The following FAM83H variants were observed in gnomAD, a reference collection of about 807,000 sequenced individuals.
FAM83H encodes the protein protein FAM83H.
In FAM83H, 24 loss-of-function variants were observed where a neutral mutation model predicts 30.2. That is an observed-to-expected ratio of 0.79 (90% confidence interval 0.57 to 1.12). The LOEUF (loss-of-function observed/expected upper bound fraction) is 1.12, where lower values mean the gene tolerates loss of function less well. Ranked by LOEUF, FAM83H falls within the 50% of genes most tolerant of loss-of-function variation. The probability of loss-of-function intolerance (pLI) is 0.00; values close to 1 mark genes in which losing one functional copy is unlikely to be tolerated. For synonymous variants in FAM83H, 1,013 were observed against 821.7 expected (o/e 1.23, Z -3.98); for missense variants, 2,038 against 1,773.9 (o/e 1.15, Z -2.67).
intron 4 of FAM83H, 76 bp from the exon 5 acceptor site, chr8:143,728,799 G>C: frequency 6.3e-7 from 1 of 1,597,680 alleles, no homozygotes; most frequent in Non-Finnish European, 8.5e-7. Context: ...CGGGTGGGGC[G>C]CGGAGGACGC....
In FAM83H at chr8:143,730,327, C is replaced by T. The variant is rs369881580; in HGVS notation, c.256G>A (p.Val86Met). ...REPPEGSLLD[V>M]DMDGSSGTYW... ...GTACCCGAGGAGCCATCCATGTCCA[C>T]GTCGAGAAGGCTGCCTTCAGGTGGC... is the stretch of plus-strand genomic sequence containing the variant. Residue 86 changes from valine to methionine, a missense_variant, in exon 2 of 5, where the codon GTG (valine) becomes ATG (methionine). Transcript: ENST00000388913. 53 of 1,613,690 alleles carry T rather than the reference C, an allele frequency of 3.3e-5. No homozygotes were observed. Among genetic ancestry groups the T allele is most frequent in the African/African-American group, 4.0e-5 (3 of 74,956 alleles).
Position 143,726,154 on chromosome 8 carries a change from C to A in FAM83H, c.3307G>T (p.Gly1103Cys). The change falls in exon 5 of 5, where the codon GGC (glycine) becomes TGC (cysteine). Residue 1103 changes from glycine (G) to cysteine (C), a missense_variant. Coordinates refer to ENST00000388913, the MANE Select transcript of FAM83H (RefSeq NM_198488.5). ...GCTGGCAGCGTGCGGCTCAGCCGGC[C>A]CTGGGTCCCCAAGCTGTCCGAGCGG... ...IFRSDSLGTQ[G>C]RLSRTLPASA... The A allele has an allele frequency of 6.2e-7, 1 of 1,611,806 alleles. No individual in the cohort carries two copies. The highest frequency in any genetic ancestry group is 8.5e-7 in the Non-Finnish European group (1 of 1,179,506).
rs782737002 is a variant in FAM83H at position 143,729,182 on chromosome 8, G to C, written c.589C>G (p.Arg197Gly). ...ACATCCACGTGCTGCAGGTTGACACGGCACTTGTCGGCCATGTCCAGGAAG... is the reference window on the plus strand; with the variant it reads ...ACATCCACGTGCTGCAGGTTGACACCGCACTTGTCGGCCATGTCCAGGAAG... ...QHFLDMADKC[R>G]VNLQHVDFLR... Residue 197 changes from arginine (R) to glycine (G), a missense_variant, in exon 3 of 5, where the codon CGT becomes GGT. Physicochemically the swap from Arg to Gly is moderately radical, Grantham distance 125. Coordinates refer to ENST00000388913, the MANE Select transcript of FAM83H (RefSeq NM_198488.5). The C allele has an allele frequency of 3.1e-6, 5 of 1,613,676 alleles. No homozygotes were observed. The highest frequency in any genetic ancestry group is 1.1e-5 in the South Asian group (1 of 91,076).
At chr8:143,731,672 G>A in intron 1 of FAM83H, 1 of 985,468 alleles carries the variant, frequency 1.0e-6, no homozygotes, top group Non-Finnish European at 1.2e-6. Context: ...GGGCCCTGCA[G>A]GGCCTGCACT....
chr8:143,733,474 G>A lies in FAM83H; in HGVS notation c.-16+217C>T, dbSNP rs1818604522. On this transcript the variant is annotated intron_variant, in intron 1 of 4. Coordinates refer to ENST00000388913, the MANE Select transcript of FAM83H (RefSeq NM_198488.5). This position sits in a 1 kb window ranked among gnomAD's most constrained non-coding sequence, Gnocchi z 5.6. The stretch of plus-strand genomic sequence containing the variant: ...TTTCGGGCCGGCGTCGTGCGGGGGC[G>A]CTCGCGTCCATATCCGCACAGCGGC... Among the ~76,000 whole-genome samples, 1 of 152,048 alleles carries A rather than the reference G, an allele frequency of 6.6e-6. No individual in the cohort carries two copies. Among genetic ancestry groups the A allele is most frequent in the Non-Finnish European group, 1.5e-5 (1 of 67,972 alleles).
chr8:143,725,164 G>T lies in FAM83H; in HGVS notation c.*757C>A, dbSNP rs1466730432. The T allele has an allele frequency of 4.2e-4, 36 of 85,182 alleles. 5 individuals are homozygous for T. The East Asian group carries it at 0.026, about 61-fold the overall frequency. The allele number at this position is 85,182 out of a possible 1,614,324, so 5.3% of individuals were successfully genotyped here. On this transcript the variant is annotated 3_prime_UTR_variant, in exon 5 of 5. Transcript: ENST00000388913. Reference sequence around the variant, plus strand: ...GCGGGGGAGGGGGGAGACGGGGGGGGGGGGGGGGGAGGGAAGGAGGAGACC... The same window carrying T: ...GCGGGGGAGGGGGGAGACGGGGGGGTGGGGGGGGGAGGGAAGGAGGAGACC...
In FAM83H at chr8:143,727,958, T is replaced by C. The variant is rs1818369267; in HGVS notation, c.1503A>G (p.Gly501=). 5.8e-6 allele frequency: 9 copies of C among 1,559,712 alleles called. No homozygotes were observed. The highest frequency in any genetic ancestry group is 7.8e-6 in the Non-Finnish European group (9 of 1,161,002). ...AGTCCAGCCGCTGGTGCCCGTCGGGTCCGAGCTCCGGGAAGCGGGGCCCGG... is the reference window on the plus strand; with the variant it reads ...AGTCCAGCCGCTGGTGCCCGTCGGGCCCGAGCTCCGGGAAGCGGGGCCCGG... ...LGAGPRFPEL[G]PDGHQRLDYV... The change falls in exon 5 of 5, where the codon GGA becomes GGG. Residue 501 remains glycine, a synonymous_variant. Transcript: ENST00000388913.
Position 143,726,733 on chromosome 8 carries a change from C to A in FAM83H, c.2728G>T (p.Glu910Ter). ...QKGSPTSAYP[E>*]RRGSPVPPVP... ...GGGGGCACCGGACTACCCCTGCGCTCGGGGTAGGCTGAGGTGGGGCTCCCC... is the reference window on the plus strand; with the variant it reads ...GGGGGCACCGGACTACCCCTGCGCTAGGGGTAGGCTGAGGTGGGGCTCCCC... The change falls in exon 5 of 5, where the codon GAG (glutamate) becomes TAG (stop). Residue 910 changes from glutamate to a stop codon, truncating the protein, a stop_gained. Transcript: ENST00000388913. LOFTEE classifies it low-confidence loss of function (END_TRUNC). The A allele has an allele frequency of 6.2e-7, 1 of 1,611,520 alleles. No individual in the cohort carries two copies. Among genetic ancestry groups the A allele is most frequent in the Non-Finnish European group, 8.5e-7 (1 of 1,179,642 alleles).
At chr8:143,731,667 CTGCAGGGCCT>C in intron 1 of FAM83H, 1 of 985,494 alleles carries the variant, frequency 1.0e-6, no homozygotes, top group Non-Finnish European at 1.2e-6. Context: ...CCACAGGGCC[CTGCAGGGCCT>C]GCACTCCACA....
chr8:143,729,204 G>A lies in FAM83H; in HGVS notation c.567C>T (p.Phe189=). The A allele has an allele frequency of 6.2e-7, 1 of 1,613,658 alleles. No homozygotes were observed. Among genetic ancestry groups the A allele is most frequent in the Non-Finnish European group, 8.5e-7 (1 of 1,180,012 alleles). ...CACGGCACTTGTCGGCCATGTCCAG[G>A]AAGTGCTGCGCGTTCATCTCATCCA... ...ILLDEMNAQH[F]LDMADKCRVN... The change falls in exon 3 of 5, where the codon TTC becomes TTT. Residue 189 remains phenylalanine (F), a synonymous_variant. Coordinates refer to ENST00000388913, the MANE Select transcript of FAM83H (RefSeq NM_198488.5).
At position 143,729,261 on chromosome 8, in the gene FAM83H, G is replaced by A. The variant is rs782727706; in HGVS notation, c.510C>T (p.Ala170=). The change falls in exon 3 of 5, where the codon GCC becomes GCT. Residue 170 remains alanine (A), a synonymous_variant. Transcript: ENST00000388913. Reference sequence around the variant, plus strand: ...TGTAGACTGGGACCCGACGGGCCGCGGCCTCCAGCACTTCGCTGAGCAGGT... The same window carrying A: ...TGTAGACTGGGACCCGACGGGCCGCAGCCTCCAGCACTTCGCTGAGCAGGT... ...DVDLLSEVLE[A]AARRVPVYIL... 30 of 1,613,258 alleles carry A rather than the reference G, an allele frequency of 1.9e-5. No individual in the cohort carries two copies. Among genetic ancestry groups the A allele is most frequent in the Admixed American group, 1.5e-4 (9 of 60,000 alleles).
chr8:143,731,177 T>C (rs1554624396), intron 1 of FAM83H, among the ~76,000 whole-genome samples: 1 of 149,056 alleles, frequency 6.7e-6, no homozygotes, highest in Admixed American at 6.6e-5. Context: ...CAGGCTGCAT[T>C]CATCATTATA....
At chr8:143,732,119 G>A in intron 1 of FAM83H, 1 of 985,432 alleles carries the variant, frequency 1.0e-6, no homozygotes, top group South Asian at 4.7e-5. Context: ...GTGCTAGCCG[G>A]AGCCACTTGG....
chr8:143,726,434 G>A lies in FAM83H; in HGVS notation c.3027C>T (p.Ser1009=), dbSNP rs1554621777. 1.2e-6 allele frequency: 2 copies of A among 1,602,906 alleles called. No individual in the cohort carries two copies. The highest frequency in any genetic ancestry group is 1.3e-5 in the African/African-American group (1 of 74,816). ...PRRLSLGQGD[S]TEAATEERGP... is the part of the protein sequence containing the mutation. Reference sequence around the variant, plus strand: ...CCCGCTCTTCTGTGGCAGCCTCCGTGCTGTCACCCTGGCCCAGTGACAGAC... The same window carrying A: ...CCCGCTCTTCTGTGGCAGCCTCCGTACTGTCACCCTGGCCCAGTGACAGAC... Residue 1009 remains serine, a synonymous_variant, in exon 5 of 5, where the codon AGC becomes AGT. Coordinates refer to ENST00000388913, the MANE Select transcript of FAM83H (RefSeq NM_198488.5).
chr8:143,727,231 G>A lies in FAM83H; in HGVS notation c.2230C>T (p.Pro744Ser), dbSNP rs1554622421. Reference sequence around the variant, plus strand: ...GCGCCGCCGCCGGGATCACGGGCTGGGCCCTTGTACTTCTCCAGCAGCTCC... The same window carrying A: ...GCGCCGCCGCCGGGATCACGGGCTGAGCCCTTGTACTTCTCCAGCAGCTCC... ...VAELLEKYKG[P>S]ARDPGGGAGA... The change falls in exon 5 of 5, where the codon CCA becomes TCA. Residue 744 changes from proline to serine, a missense_variant. Physicochemically the swap from Pro to Ser is moderately conservative, Grantham distance 74. Coordinates refer to ENST00000388913, the MANE Select transcript of FAM83H (RefSeq NM_198488.5). 6.5e-7 allele frequency: 1 copy of A among 1,534,554 alleles called. No homozygotes were observed. The highest frequency in any genetic ancestry group is 1.2e-5 in the South Asian group (1 of 84,002).
At position 143,730,521 on chromosome 8, in the gene FAM83H, G is replaced by T. The variant is rs370205441; in HGVS notation, c.62C>A (p.Pro21Gln). The T allele has an allele frequency of 2.5e-6, 4 of 1,584,156 alleles. No individual in the cohort carries two copies. Among genetic ancestry groups the T allele is most frequent in the East Asian group, 4.5e-5 (2 of 44,422 alleles). The change falls in exon 2 of 5, where the codon CCG (proline) becomes CAG (glutamine). Residue 21 changes from proline (P) to glutamine (Q), a missense_variant. Physicochemically the swap from Pro to Gln is moderately conservative, Grantham distance 76. Coordinates refer to ENST00000388913, the MANE Select transcript of FAM83H (RefSeq NM_198488.5). ...GDNPLAPGYL[P>Q]PHYKEYYRLA... ...GCGGTAGTACTCTTTGTAGTGAGGC[G>T]GCAGGTACCCGGGTGCCAGTGGGTT...
chr8:143,728,505 G>A lies in FAM83H; in HGVS notation c.956C>T (p.Pro319Leu), dbSNP rs781909730. The A allele has an allele frequency of 3.2e-6, 5 of 1,556,950 alleles. No individual in the cohort carries two copies. In the South Asian group the frequency reaches 4.7e-5, roughly 15 times the overall value. Residue 319 changes from proline (P) to leucine (L), a missense_variant, in exon 5 of 5, where the codon CCC (proline) becomes CTC (leucine). By Grantham distance (98) the Pro-to-Leu change is moderately conservative. Transcript: ENST00000388913. Reference protein sequence around the residue: ...VGVPGVGAPTPFSFPKRAHLL... With the variant: ...VGVPGVGAPTLFSFPKRAHLL... The stretch of plus-strand genomic sequence containing the variant: ...GTGCGCTCGTTTAGGGAAGGAGAAG[G>A]GGGTTGGCGCCCCGACCCCAGGGAC...
Position 143,728,147 on chromosome 8 carries a change from G to T in FAM83H, c.1314C>A (p.Gly438=). 6.2e-7 allele frequency: 1 copy of T among 1,609,050 alleles called. No homozygotes were observed. Residue 438 remains glycine, a synonymous_variant, in exon 5 of 5, where the codon GGC becomes GGA. Transcript: ENST00000388913. ...QVSRQTFLSH[G]DDFRFQTSHF... Reference sequence around the variant, plus strand: ...GGCTGGTCTGGAAGCGGAAGTCGTCGCCGTGGCTGAGGAACGTCTGCCGCG... The same window carrying T: ...GGCTGGTCTGGAAGCGGAAGTCGTCTCCGTGGCTGAGGAACGTCTGCCGCG...
At position 143,726,509 on chromosome 8, in the gene FAM83H, C is replaced by T. The variant is rs1554621842; in HGVS notation, c.2952G>A (p.Glu984=). The T allele has an allele frequency of 1.2e-6, 2 of 1,606,146 alleles. No individual in the cohort carries two copies. The highest frequency in any genetic ancestry group is 1.7e-6 in the Non-Finnish European group (2 of 1,179,676). Residue 984 remains glutamate, a synonymous_variant, in exon 5 of 5, where the codon GAG becomes GAA. Transcript: ENST00000388913. Reference sequence around the variant, plus strand: ...TCTCCTGCGGCACTGGGAAGCCACCCTCATCCTCCATGCGCCGCTCGCCCT... The same window carrying T: ...TCTCCTGCGGCACTGGGAAGCCACCTTCATCCTCCATGCGCCGCTCGCCCT... ...SPKGERRMED[E]GGFPVPQENG...
Sources: allele counts gnomAD v4.1 joint callset (sites outside exome capture counted in the v4.1 genomes callset), GRCh38; gene constraint gnomAD v4.1.1; non-coding constraint Gnocchi (gnomAD v3.1); transcripts MANE v1.5; gene names NCBI Gene and HGNC (gene_info 2026-07-23, HGNC 2026-07-21).